Variants in ARHGAP28 observed in about 807,000 individuals in gnomAD.
ARHGAP28 encodes Rho GTPase activating protein 28, also known as rho GTPase-activating protein 28.
ARHGAP28 carries 56 observed loss-of-function variants against 90.7 expected under a neutral mutation model. The observed-to-expected ratio is 0.62, with a 90% CI of 0.50 to 0.77. The LOEUF is 0.77. Ranked by LOEUF, ARHGAP28 falls within the 30% of genes least tolerant of loss-of-function variation. The pLI, the probability that ARHGAP28 is intolerant of heterozygous loss-of-function variation, is 0.00. For synonymous variants in ARHGAP28, 308 were observed against 323.3 expected (o/e 0.95, Z 0.51); for missense variants, 869 against 900.9 (o/e 0.96, Z 0.45).
At position 6,868,185 on chromosome 18, in the gene ARHGAP28, T is replaced by C. The variant is rs759517272; in HGVS notation, c.762T>C (p.His254=). 7 of 1,614,066 alleles carry C rather than the reference T, an allele frequency of 4.3e-6. No individual in the cohort carries two copies. The South Asian group carries it at 6.6e-5, about 15-fold the overall frequency. ...AGACCATTCCAGTTCTACCAGTTCA[T>C]TCCAATGGATCACCGGAGCCTGGAC... ...ILETIPVLPV[H]SNGSPEPGQP... is the part of the protein sequence containing the mutation. Residue 254 remains histidine (H), a synonymous_variant, in exon 6 of 18, where the codon CAT becomes CAC. Transcript: ENST00000383472.
intron 1 of ARHGAP28, among the ~76,000 whole-genome samples, chr18:6,810,133 T>C (rs1404039945): frequency 2.0e-5 from 3 of 152,232 alleles, no homozygotes; most frequent in Non-Finnish European, 4.4e-5. Context: ...TTTATCTCTG[T>C]ATGAATTCCA....
chr18:6,840,600 C>G (rs879595720), intron 3 of ARHGAP28, among the ~76,000 whole-genome samples: 12 of 152,096 alleles, frequency 7.9e-5, no homozygotes, highest in Non-Finnish European at 1.5e-4. Context: ...CAAAAGAGGG[C>G]CTAACAGGGT....
At chr18:6,896,734 T>A in intron 16 of ARHGAP28, 108 bp downstream of exon 16, 1 of 1,321,006 alleles carries the variant, frequency 7.6e-7, no homozygotes, top group Non-Finnish European at 1.0e-6. Context: ...ATAGAACCTG[T>A]TGCTTTAGGG....
Position 6,850,976 on chromosome 18 carries a change from C to T in ARHGAP28, c.544-58C>T, listed in dbSNP as rs536102772. 98 of 1,595,194 alleles carry T rather than the reference C, an allele frequency of 6.1e-5. 1 individual carries two copies. In the Middle Eastern group the frequency reaches 1.8e-3, roughly 30 times the overall value. On this transcript the variant is annotated intron_variant, in intron 3 of 17. Coordinates refer to ENST00000383472, the MANE Select transcript of ARHGAP28 (RefSeq NM_001366230.1). ...CTCTAGTGTAATGCATGTGTGAATA[C>T]GCAGTCATATTTGGAAAGATATGCC...
At position 6,843,594 on chromosome 18, in the gene ARHGAP28, C is replaced by T. The variant is rs552144211; in HGVS notation, c.543+6180C>T. On this transcript the variant is annotated intron_variant, in intron 3 of 17. Coordinates refer to ENST00000383472, the MANE Select transcript of ARHGAP28 (RefSeq NM_001366230.1). The stretch of plus-strand genomic sequence containing the variant: ...ATGTTCAGTGGTCTTTAGAACTGCA[C>T]GTTTAAAAAGACATCTCTTTTGACA... Among the ~76,000 whole-genome samples the T allele has an allele frequency of 5.9e-5, 9 of 152,260 alleles. No individual in the cohort carries two copies. The South Asian group carries it at 6.2e-4, about 11-fold the overall frequency.
At chr18:6,754,674 C>T (rs1351896094) in intron 1 of ARHGAP28, 3 of 152,156 alleles carry the variant, frequency 2.0e-5, no homozygotes, top group Admixed American at 6.5e-5. Flanking sequence ...GAATTTTCTC[C>T]ATTCATTCTG....
At chr18:6,897,781 T>C (rs1013473166) in intron 16 of ARHGAP28, 2 of 152,134 alleles carry the variant, frequency 1.3e-5, no homozygotes, top group Non-Finnish European at 2.9e-5. Flanking sequence ...AGGGAGATGG[T>C]TTTGGTCACT....
chr18:6,882,516 T>G (rs2143647868), intron 11 of ARHGAP28, among the ~76,000 whole-genome samples: 1 of 152,282 alleles, frequency 6.6e-6, no homozygotes, highest in East Asian at 1.9e-4. Context: ...GGCAGAGGGG[T>G]TTGCAGAAAG....
At position 6,887,174 on chromosome 18, in the gene ARHGAP28, G is replaced by C; in HGVS notation, c.1471G>C (p.Val491Leu). Residue 491 changes from valine to leucine, a missense_variant, in exon 12 of 18, where the codon GTA becomes CTA. Coordinates refer to ENST00000383472, the MANE Select transcript of ARHGAP28 (RefSeq NM_001366230.1). ...SLMERGPHVK[V>L]QFQALHLMVM... The stretch of plus-strand genomic sequence containing the variant: ...CTTGTTAGGAGGGCCTCACGTCAAA[G>C]TACAGTTTCAAGCCTTACACCTCAT... 2.5e-6 allele frequency: 4 copies of C among 1,614,142 alleles called. No individual in the cohort carries two copies. The highest frequency in any genetic ancestry group is 3.4e-6 in the Non-Finnish European group (4 of 1,180,004).
intron 1 of ARHGAP28, among the ~76,000 whole-genome samples, chr18:6,795,933 A>ATAT (rs1319068609): frequency 3.3e-5 from 5 of 152,232 alleles, no homozygotes; most frequent in African/African-American, 1.2e-4. Flanking sequence ...CTTGCATTTC[A>ATAT]TGTGTAACAT....
intron 6 of ARHGAP28, among the ~76,000 whole-genome samples, chr18:6,868,993 G>T (rs2057060300): frequency 6.6e-6 from 1 of 151,998 alleles, no homozygotes; most frequent in Non-Finnish European, 1.5e-5. Flanking sequence ...AAATAAAAAA[G>T]AAGGGACTTG....
chr18:6,897,037 T>C, intron 16 of ARHGAP28: 1 of 159,620 alleles, frequency 6.3e-6, no homozygotes, highest in Non-Finnish European at 1.4e-5. Context: ...CTCAGCCTCC[T>C]GGGTAGCTGG....
rs144416103 is a variant in ARHGAP28 at position 6,745,308 on chromosome 18, C to T, written c.122+15365C>T. On this transcript the variant is annotated intron_variant, in intron 1 of 17. Transcript: ENST00000383472. ...GAGGCTTGACAGGAATTTCCTTCCA[C>T]CAAGGAACATTTCTTCACCTTTTTT... Among the ~76,000 whole-genome samples the T allele has an allele frequency of 2.8e-3, 425 of 152,238 alleles. 5 individuals carry two copies. The highest frequency in any genetic ancestry group is 9.7e-3 in the African/African-American group (405 of 41,540).
At chr18:6,776,708 G>C (rs2056286614) in intron 1 of ARHGAP28, among the ~76,000 whole-genome samples, 1 of 152,178 alleles carries the variant, frequency 6.6e-6, no homozygotes, top group Non-Finnish European at 1.5e-5. Context: ...TGACCTTTTT[G>C]AGACAAGGAG....
At chr18:6,798,437 G>C (rs1176736698) in intron 1 of ARHGAP28, among the ~76,000 whole-genome samples, 1 of 152,132 alleles carries the variant, frequency 6.6e-6, no homozygotes, top group Admixed American at 6.5e-5. Flanking sequence ...CAGGTGATCT[G>C]CCCGCCTCGG....
chr18:6,809,384 C>T (rs1367296929), intron 1 of ARHGAP28, among the ~76,000 whole-genome samples: 3 of 152,076 alleles, frequency 2.0e-5, no homozygotes, highest in Non-Finnish European at 4.4e-5. Flanking sequence ...TAGAATGAAA[C>T]CATAATGAGG....
chr18:6,776,759 C>T (rs1217290231), intron 1 of ARHGAP28, among the ~76,000 whole-genome samples: 3 of 152,092 alleles, frequency 2.0e-5, no homozygotes, highest in Non-Finnish European at 4.4e-5. Flanking sequence ...TTCTTTCAGT[C>T]GGTGGTAGAT....
chr18:6,904,342 C>T (rs1422516283), intron 16 of ARHGAP28, among the ~76,000 whole-genome samples: 1 of 151,922 alleles, frequency 6.6e-6, no homozygotes, highest in Non-Finnish European at 1.5e-5. Context: ...TGCAGTGAGC[C>T]GAAACCACAC....
intron 4 of ARHGAP28, among the ~76,000 whole-genome samples, chr18:6,856,873 A>G (rs2056958097): frequency 1.3e-5 from 2 of 152,148 alleles, no homozygotes; most frequent in South Asian, 4.1e-4. Context: ...ATGTTCTTTT[A>G]TGTCTGGCTT....
Sources: gnomAD v4.1 joint callset for allele counts (sites outside exome capture counted in the v4.1 genomes callset) on GRCh38, gnomAD v4.1.1 for gene constraint, MANE v1.5 for transcripts, NCBI Gene and HGNC (gene_info 2026-07-23, HGNC 2026-07-21) for gene names.